Variants in PFAS observed in about 807,000 individuals in gnomAD.
PFAS encodes phosphoribosylformylglycinamidine synthase.
PFAS carries 97 observed loss-of-function variants against 140.6 expected under a neutral mutation model. The ratio of observed to expected loss-of-function variants is 0.69; its 90% CI spans 0.59 to 0.82. PFAS has a LOEUF of 0.82. Among genes scored for constraint, PFAS ranks in the 40% least tolerant of loss-of-function variants. The pLI is 0.00. For synonymous variants in PFAS, 679 were observed against 718.8 expected, an observed-to-expected ratio of 0.94 and a Z score of 0.88; for missense variants, 1,656 against 1,780.2, an observed-to-expected ratio of 0.93 and a Z score of 1.26.
intron 11 of PFAS, among the ~76,000 whole-genome samples, chr17:8,261,238 T>C (rs886650748): frequency 6.6e-6 from 1 of 151,956 alleles, no homozygotes; most frequent in Non-Finnish European, 1.5e-5. Flanking sequence ...TTTCTTTCTT[T>C]CTTTTTTTTT....
chr17:8,265,516 G>A, intron 19 of PFAS, 40 bp from the exon 20 acceptor site: 2 of 1,613,422 alleles, frequency 1.2e-6, no homozygotes, highest in African/African-American at 1.3e-5. Flanking sequence ...ATGGAGCTGG[G>A]TTGGCAACTC....
Position 8,269,030 on chromosome 17 carries a change from T to A in PFAS, c.3783T>A (p.Asp1261Glu). The A allele has an allele frequency of 6.2e-7, 1 of 1,614,194 alleles. No homozygotes were observed. The highest frequency in any genetic ancestry group is 8.5e-7 in the Non-Finnish European group (1 of 1,180,000). The change falls in exon 28 of 28, where the codon GAT becomes GAA. Residue 1261 changes from aspartate to glutamate, a missense_variant. Transcript: ENST00000314666. ...ARGLAPLHWA[D>E]DDGNPTEQYP... The stretch of plus-strand genomic sequence containing the variant: ...GCTTGGCTCCACTGCACTGGGCTGA[T>A]GATGACGGGAACCCCACAGAGCAGT...
Position 8,254,072 on chromosome 17 carries a change from C to A in PFAS, c.135C>A (p.Asn45Lys). ...GVETELCYNV[N>K]WTAEALPSAE... ...AGACTGAACTGTGCTACAACGTGAA[C>A]TGGACAGGTTGGGCCCAGGTATTAG... The change falls in exon 2 of 28, where the codon AAC becomes AAA. Residue 45 changes from asparagine (N) to lysine (K), a missense_variant. Asn to Lys is a moderately conservative substitution (Grantham distance 94). Transcript: ENST00000314666. 1 of 1,614,070 alleles carries A rather than the reference C, an allele frequency of 6.2e-7. No homozygotes were observed. Among genetic ancestry groups the A allele is most frequent in the Non-Finnish European group, 8.5e-7 (1 of 1,179,938 alleles).
chr17:8,270,046 T>G lies in PFAS; in HGVS notation c.*782T>G, dbSNP rs1264168511. The stretch of plus-strand genomic sequence containing the variant: ...GCACACACCACCACACCCAGCTAAT[T>G]TTTGTATTTTTAGTAGAGATAGGGT... On this transcript the variant is annotated 3_prime_UTR_variant, in exon 28 of 28. Transcript: ENST00000314666. 6.6e-6 allele frequency: 1 copy of G among 151,882 alleles called. No homozygotes were observed. The highest frequency in any genetic ancestry group is 6.6e-5 in the Admixed American group (1 of 15,220). 9.4% of individuals were successfully genotyped at this position (151,882 alleles called of 1,614,324 possible).
chr17:8,265,105 GCTCTGGTCACTGAC>G lies in PFAS; in HGVS notation c.2264_2277del (p.Leu755ProfsTer6). On this transcript the variant is annotated frameshift_variant, in exon 18 of 28. Coordinates refer to ENST00000314666, the MANE Select transcript of PFAS (RefSeq NM_012393.3). LOFTEE classifies it high-confidence loss of function. ...CGAAGCCCTCACCAACCTGGTGTTTGCTCTGGTCACTGACCTCCGGGTGAGTTCTCCCACAGCTT... is the reference window on the plus strand; with the variant it reads ...CGAAGCCCTCACCAACCTGGTGTTTGCTCCGGGTGAGTTCTCCCACAGCTT... 6.2e-7 allele frequency: 1 copy of G among 1,612,778 alleles called. No homozygotes were observed. Among genetic ancestry groups the G allele is most frequent in the Non-Finnish European group, 8.5e-7 (1 of 1,179,808 alleles).
At position 8,263,832 on chromosome 17, in the gene PFAS, A is replaced by G. The variant is rs1468475752; in HGVS notation, c.1687A>G (p.Asn563Asp). The G allele has an allele frequency of 6.2e-7, 1 of 1,614,060 alleles. No individual in the cohort carries two copies. The highest frequency in any genetic ancestry group is 1.7e-5 in the Admixed American group (1 of 60,008). ...EIWGAEYQES[N>D]ALLLRSPNRD... Reference sequence around the variant, plus strand: ...CTGGGGGGCTGAGTACCAGGAATCAAATGCTCTTCTGCTGAGGTCCCCCAA... The same window carrying G: ...CTGGGGGGCTGAGTACCAGGAATCAGATGCTCTTCTGCTGAGGTCCCCCAA... The change falls in exon 15 of 28, where the codon AAT becomes GAT. Residue 563 changes from asparagine (N) to aspartate (D), a missense_variant. By Grantham distance (23) the Asn-to-Asp change is conservative. Coordinates refer to ENST00000314666, the MANE Select transcript of PFAS (RefSeq NM_012393.3).
Position 8,253,915 on chromosome 17 carries a change from T to C in PFAS, c.-23T>C. On this transcript the variant is annotated 5_prime_UTR_variant, in exon 2 of 28. Transcript: ENST00000314666. ...ATCTCTCCAGCAAAGGACACCTCTC[T>C]CCAGCAAAGGACACCTGCAGAGATG... 6.2e-7 allele frequency: 1 copy of C among 1,600,982 alleles called. No individual in the cohort carries two copies. Among genetic ancestry groups the C allele is most frequent in the Admixed American group, 1.7e-5 (1 of 58,806 alleles).
chr17:8,261,981 A>C (rs1433148659), intron 11 of PFAS, among the ~76,000 whole-genome samples: 1 of 150,648 alleles, frequency 6.6e-6, no homozygotes. Context: ...GCATCACTGC[A>C]CTCCAGCCTG....
rs746354140 is a variant in PFAS, at chr17:8,263,877, G to A, written c.1732G>A (p.Val578Ile). Residue 578 changes from valine (V) to isoleucine (I), a missense_variant, in exon 15 of 28, where the codon GTC (valine) becomes ATC (isoleucine). Val to Ile is a conservative substitution (Grantham distance 29, BLOSUM62 3). Around this residue, in one of 2 missense-constraint regions of PFAS, gnomAD observed 773 missense variants for 757.3 expected, o/e 1.02. Coordinates refer to ENST00000314666, the MANE Select transcript of PFAS (RefSeq NM_012393.3). ...CCCCAACCGGGACTTCCTGACTCAT[G>A]TCAGTGCCCGTGAACGTTGCCCGGC... ...RSPNRDFLTH[V>I]SARERCPACF... 5.6e-6 allele frequency: 9 copies of A among 1,614,142 alleles called. No homozygotes were observed. The highest frequency in any genetic ancestry group is 7.6e-6 in the Non-Finnish European group (9 of 1,180,030).
intron 11 of PFAS, among the ~76,000 whole-genome samples, chr17:8,260,458 T>C (rs1178602807): frequency 6.6e-6 from 1 of 152,238 alleles, no homozygotes; most frequent in East Asian, 1.9e-4. Context: ...GGTTATCCGT[T>C]GCATCAGTAC....
upstream of PFAS, chr17:8,248,037 G>A: frequency 6.3e-7 from 1 of 1,580,878 alleles, no homozygotes; most frequent in Non-Finnish European, 8.6e-7. Flanking sequence ...CAGCCGCCAT[G>A]ATGCGCCGGA....
chr17:8,247,845 A>C (rs9900520), upstream of PFAS: 7,587 of 679,714 alleles, frequency 0.011, 290 homozygotes, highest in African/African-American at 0.099. Flanking sequence ...ACATTCGCAG[A>C]ACCAGTAAGA....
chr17:8,252,346 C>T lies in PFAS; in HGVS notation c.-79-1513C>T, dbSNP rs142948928. On this transcript the variant is annotated intron_variant, in intron 1 of 27. Coordinates refer to ENST00000314666, the MANE Select transcript of PFAS (RefSeq NM_012393.3). ...AAATAAATAATTTATGACATGATAT[C>T]ATCAAGCAATAAATTCTTAAACAAA... is the stretch of plus-strand genomic sequence containing the variant. Among the ~76,000 whole-genome samples, 436 of 152,184 alleles carry T rather than the reference C, an allele frequency of 2.9e-3. 4 individuals are homozygous for T. Among genetic ancestry groups the T allele is most frequent in the African/African-American group, 0.01 (416 of 41,532 alleles).
At chr17:8,268,894 T>TG (rs775153578) in intron 27 of PFAS, 38 bp downstream of exon 27, 35 of 1,606,492 alleles carry the variant, frequency 2.2e-5, no homozygotes, top group Non-Finnish European at 2.6e-5. Context: ...GCCCGAGGGT[T>TG]GGGGGCAAGG....
At position 8,258,075 on chromosome 17, in the gene PFAS, C is replaced by T. The variant is rs1479833294; in HGVS notation, c.1212C>T (p.Phe404=). The stretch of plus-strand genomic sequence containing the variant: ...CCTCTGATGTTCACACTCCAGGCTT[C>T]GCCCGCTCCTTGGGCCTCCAGCTCC... ...NKFGEPVLAG[F]ARSLGLQLPD... Residue 404 remains phenylalanine (F), a synonymous_variant, in exon 11 of 28, where the codon TTC becomes TTT. Coordinates refer to ENST00000314666, the MANE Select transcript of PFAS (RefSeq NM_012393.3). 5.0e-6 allele frequency: 8 copies of T among 1,613,980 alleles called. No homozygotes were observed. In the Admixed American group the frequency reaches 5.0e-5, roughly 10 times the overall value.
chr17:8,247,904 G>C, upstream of PFAS: 1 of 1,291,616 alleles, frequency 7.7e-7, no homozygotes. Flanking sequence ...GCCGGACGCG[G>C]CCAGCGAGCC....
chr17:8,266,154 G>A lies in PFAS; in HGVS notation c.2702-80G>A, dbSNP rs1352877976. Reference sequence around the variant, plus strand: ...CCCTGACATTCTGACACACACTCTTGATGGACTGACTCCGGAAGGTGGGGT... The same window carrying A: ...CCCTGACATTCTGACACACACTCTTAATGGACTGACTCCGGAAGGTGGGGT... On this transcript the variant is annotated intron_variant, in intron 21 of 27. Coordinates refer to ENST00000314666, the MANE Select transcript of PFAS (RefSeq NM_012393.3). This position sits in a 1 kb window ranked among gnomAD's most constrained non-coding sequence, Gnocchi z 5.0. 1.9e-6 allele frequency: 3 copies of A among 1,587,254 alleles called. No individual in the cohort carries two copies. Among genetic ancestry groups the A allele is most frequent in the Non-Finnish European group, 2.6e-6 (3 of 1,164,634 alleles).
chr17:8,269,378 C>T lies in PFAS; in HGVS notation c.*114C>T. The T allele has an allele frequency of 6.7e-6, 5 of 750,082 alleles. No individual in the cohort carries two copies. The highest frequency in any genetic ancestry group is 8.7e-6 in the Non-Finnish European group (4 of 462,094). 46.5% of individuals were successfully genotyped at this position (750,082 alleles called of 1,614,324 possible). A position where few individuals can be genotyped will look rare whatever the true frequency, so the allele number is the denominator to read the frequency against. The stretch of plus-strand genomic sequence containing the variant: ...TATTTCCAAAAATATCTTGGACAGA[C>T]AAGGACCAAAATGCCAAAATCTCAG... On this transcript the variant is annotated 3_prime_UTR_variant, in exon 28 of 28. Transcript: ENST00000314666.
chr17:8,257,065 T>G, intron 9 of PFAS, 102 bp downstream of exon 9: 1 of 1,285,810 alleles, frequency 7.8e-7, no homozygotes, highest in Non-Finnish European at 1.1e-6. Context: ...CCTGTGTGCC[T>G]TTTCTCAGGA....
Sources: gnomAD v4.1 joint callset for allele counts (sites outside exome capture counted in the v4.1 genomes callset) on GRCh38, gnomAD v4.1.1 for gene constraint, gnomAD v4.1.1 regional missense constraint, Gnocchi (gnomAD v3.1) non-coding constraint, MANE v1.5 for transcripts, NCBI Gene and HGNC (gene_info 2026-07-23, HGNC 2026-07-21) for gene names.